The following ZNF197 variants were observed in gnomAD, a reference collection of about 807,000 sequenced individuals.
ZNF197 encodes the protein zinc finger protein 197.
Under a neutral mutation model 27.4 loss-of-function variants are expected in ZNF197, and 14 were observed. That is an observed-to-expected ratio of 0.51 (90% confidence interval 0.34 to 0.80). The LOEUF (loss-of-function observed/expected upper bound fraction) is 0.80. Among genes scored for constraint, ZNF197 ranks in the 30% least tolerant of loss-of-function variants. ZNF197 has a pLI of 0.02. For missense variants in ZNF197, 1,090 were observed against 1,222.6 expected (o/e 0.89, Z 1.62); for synonymous variants, 415 against 420.0 (o/e 0.99, Z 0.15).
chr3:44,629,098 A>G lies in ZNF197; in HGVS notation c.-57A>G. On this transcript the variant is annotated 5_prime_UTR_variant, in exon 2 of 6. Transcript: ENST00000344387. ...GATGATACTCTCCAAGCTGTAAGGA[A>G]GAAGTCAAGGATTAAGGAGACCTGG... is the stretch of plus-strand genomic sequence containing the variant. 6.5e-7 allele frequency: 1 copy of G among 1,536,940 alleles called. No individual in the cohort carries two copies. Among genetic ancestry groups the G allele is most frequent in the Non-Finnish European group, 8.7e-7 (1 of 1,149,620 alleles).
Position 44,644,695 on chromosome 3 carries a change from A to G in ZNF197, c.*475A>G. 2.0e-6 allele frequency: 2 copies of G among 986,700 alleles called. No homozygotes were observed. Among genetic ancestry groups the G allele is most frequent in the South Asian group, 4.7e-5 (1 of 21,334 alleles). The allele number at this position is 986,700 out of a possible 1,614,324, so 61.1% of individuals were successfully genotyped here. A position where few individuals can be genotyped will look rare whatever the true frequency, so the allele number is the denominator to read the frequency against. On this transcript the variant is annotated 3_prime_UTR_variant, in exon 6 of 6. Coordinates refer to ENST00000344387, the MANE Select transcript of ZNF197 (RefSeq NM_006991.5). ...TCTACAAAAACATAATCCAAATCTA[A>G]TAACATAGTTGTAAATGAGAGCAAC...
chr3:44,630,873 T>A (rs1286810413), intron 2 of ZNF197, 189 bp from the exon 3 acceptor site: 1 of 772,786 alleles, frequency 1.3e-6, no homozygotes, highest in Non-Finnish European at 2.2e-6. Context: ...ACCAGTGCCA[T>A]GAGTGGGGCT....
Position 44,629,292 on chromosome 3 carries a change from A to G in ZNF197, c.138A>G (p.Arg46=). The change falls in exon 2 of 6, where the codon AGA becomes AGG. Residue 46 remains arginine, a synonymous_variant. Transcript: ENST00000344387. ...GGGAGACCTCCCACCTACACTTTAG[A>G]CAATTACGTTACCATGAGACATCTG... ...SVWETSHLHF[R]QLRYHETSGP... 1 of 1,614,172 alleles carries G rather than the reference A, an allele frequency of 6.2e-7. No individual in the cohort carries two copies. Among genetic ancestry groups the G allele is most frequent in the Non-Finnish European group, 8.5e-7 (1 of 1,180,030 alleles).
rs1389281622 is a variant in ZNF197 at position 44,625,047 on chromosome 3, G to A, written c.-178G>A. ...ATTCTCGGCTCGGCCATTATTCTGT[G>A]CCTCGGCTGCCGGAAGGGCTCGTTC... On this transcript the variant is annotated 5_prime_UTR_variant, in exon 1 of 6. Transcript: ENST00000344387. 1.3e-5 allele frequency: 2 copies of A among 152,276 alleles called. No homozygotes were observed. Among genetic ancestry groups the A allele is most frequent in the Non-Finnish European group, 2.9e-5 (2 of 68,076 alleles). 9.4% of individuals were successfully genotyped at this position (152,276 alleles called of 1,614,324 possible).
chr3:44,638,176 TTC>T (rs1702407459), intron 5 of ZNF197, among the ~76,000 whole-genome samples: 2 of 152,204 alleles, frequency 1.3e-5, no homozygotes, highest in Admixed American at 1.3e-4. Flanking sequence ...AGTTTTTCAC[TTC>T]TTTTGTTAAA....
chr3:44,638,462 T>C (rs2125814789), intron 5 of ZNF197, among the ~76,000 whole-genome samples: 1 of 152,310 alleles, frequency 6.6e-6, no homozygotes, highest in East Asian at 1.9e-4. Context: ...ATATTAGTTT[T>C]AATAGCTTTT....
In ZNF197 at chr3:44,644,926, T is replaced by C. The variant is rs1465305046; in HGVS notation, c.*706T>C. 1.9e-5 allele frequency: 19 copies of C among 983,938 alleles called. No homozygotes were observed. The Admixed American group carries it at 1.2e-3, about 60-fold the overall frequency. The allele number at this position is 983,938 out of a possible 1,614,324, so 61.0% of individuals were successfully genotyped here. ...AAAGTGGACATTGTTTTTTAAAATGTGTATAGTATGCATTTTAAAGATAGT... is the reference window on the plus strand; with the variant it reads ...AAAGTGGACATTGTTTTTTAAAATGCGTATAGTATGCATTTTAAAGATAGT... On this transcript the variant is annotated 3_prime_UTR_variant, in exon 6 of 6. Transcript: ENST00000344387.
At position 44,640,410 on chromosome 3, in the gene ZNF197, C is replaced by T. The variant is rs550313249; in HGVS notation, c.770-1490C>T. On this transcript the variant is annotated intron_variant, in intron 5 of 5. Transcript: ENST00000344387. The surrounding 1 kb of genome is among the most constrained non-coding windows in gnomAD (Gnocchi z 4.0). ...TGTTTTGTTTTGAGATGGAGTCTTG[C>T]TCTGTCACCCAGGCTGGAATGCAGT... is the stretch of plus-strand genomic sequence containing the variant. Among the ~76,000 whole-genome samples the T allele has an allele frequency of 1.3e-4, 20 of 152,252 alleles. No homozygotes were observed. In the South Asian group the frequency reaches 4.1e-3, roughly 32 times the overall value.
intron 5 of ZNF197, among the ~76,000 whole-genome samples, chr3:44,634,056 T>TG (rs993248926): frequency 5.9e-5 from 9 of 152,258 alleles, no homozygotes; most frequent in African/African-American, 2.2e-4. Context: ...TTTCTACCAA[T>TG]GATACTTGAA....
chr3:44,634,192 T>C (rs1702153928), intron 5 of ZNF197, among the ~76,000 whole-genome samples: 1 of 152,220 alleles, frequency 6.6e-6, no homozygotes, highest in Non-Finnish European at 1.5e-5. Context: ...TTGTTTTTCA[T>C]GTTTTCATTA....
rs770744639 is a variant in ZNF197 at position 44,643,137 on chromosome 3, A to C, written c.2007A>C (p.Gln669His). 1 of 1,612,160 alleles carries C rather than the reference A, an allele frequency of 6.2e-7. No homozygotes were observed. Among genetic ancestry groups the C allele is most frequent in the African/African-American group, 1.3e-5 (1 of 74,574 alleles). ...TGAAGAAGAGCCTCATTTTACATCA[A>C]AGGTTCCACACTGGAGAGAATCTCT... ...FILKKSLILH[Q>H]RFHTGENLYE... The change falls in exon 6 of 6, where the codon CAA becomes CAC. Residue 669 changes from glutamine to histidine, a missense_variant. By Grantham distance (24) the Gln-to-His change is conservative. Transcript: ENST00000344387.
Position 44,646,737 on chromosome 3 carries a change from G to A in ZNF197, c.*2517G>A. On this transcript the variant is annotated 3_prime_UTR_variant, in exon 6 of 6. Coordinates refer to ENST00000344387, the MANE Select transcript of ZNF197 (RefSeq NM_006991.5). ...AAAGGTATAAAACATGGATGAGGAG[G>A]CTTGTTTTTAAAAGATAATACTAGA... is the stretch of plus-strand genomic sequence containing the variant. 2.0e-6 allele frequency: 1 copy of A among 492,072 alleles called. No individual in the cohort carries two copies. Among genetic ancestry groups the A allele is most frequent in the South Asian group, 3.2e-5 (1 of 30,892 alleles). The allele number at this position is 492,072 out of a possible 1,614,324, so 30.5% of individuals were successfully genotyped here.
rs1702890819 is a variant in ZNF197, at chr3:44,645,283, G to A, written c.*1063G>A. 1.0e-6 allele frequency: 1 copy of A among 985,294 alleles called. No individual in the cohort carries two copies. The highest frequency in any genetic ancestry group is 1.2e-6 in the Non-Finnish European group (1 of 829,928). The allele number at this position is 985,294 out of a possible 1,614,324, so 61.0% of individuals were successfully genotyped here. On this transcript the variant is annotated 3_prime_UTR_variant, in exon 6 of 6. Coordinates refer to ENST00000344387, the MANE Select transcript of ZNF197 (RefSeq NM_006991.5). ...TAAAAGAGGTTATGGTAAAAGTTTA[G>A]AACATGGGATCATGTAAGTTTGTGT...
rs563266392 is a variant in ZNF197, at chr3:44,646,105, G to A, written c.*1885G>A. The A allele has an allele frequency of 1.0e-6, 1 of 985,382 alleles. No homozygotes were observed. The highest frequency in any genetic ancestry group is 1.2e-6 in the Non-Finnish European group (1 of 829,926). 61.0% of individuals were successfully genotyped at this position (985,382 alleles called of 1,614,324 possible). A position where few individuals can be genotyped will look rare whatever the true frequency, so the allele number is the denominator to read the frequency against. Reference sequence around the variant, plus strand: ...GAAAGGTAGCCAAGAGTGAAAACTGGAAGGGGCCTAAGGCTTAAAGTCTTA... The same window carrying A: ...GAAAGGTAGCCAAGAGTGAAAACTGAAAGGGGCCTAAGGCTTAAAGTCTTA... On this transcript the variant is annotated 3_prime_UTR_variant, in exon 6 of 6. Transcript: ENST00000344387.
intron 5 of ZNF197, among the ~76,000 whole-genome samples, chr3:44,636,299 C>T (rs993569745): frequency 6.4e-4 from 89 of 138,504 alleles, no homozygotes; most frequent in Non-Finnish European, 1.2e-3. Context: ...AGCAAGACTC[C>T]GTCTCAAAAA....
Position 44,636,086 on chromosome 3 carries a change from C to G in ZNF197, c.769+3487C>G, listed in dbSNP as rs201524443. The stretch of plus-strand genomic sequence containing the variant: ...TTGGGAGGCCAAGGCAGGCGGATCA[C>G]GAGGTCAGGAGATCAAGACCATCCT... On this transcript the variant is annotated intron_variant, in intron 5 of 5. Coordinates refer to ENST00000344387, the MANE Select transcript of ZNF197 (RefSeq NM_006991.5). Among the ~76,000 whole-genome samples, 27 of 152,236 alleles carry G rather than the reference C, an allele frequency of 1.8e-4. No individual in the cohort carries two copies. In the East Asian group the frequency reaches 5.2e-3, roughly 30 times the overall value.
intron 5 of ZNF197, among the ~76,000 whole-genome samples, chr3:44,632,843 C>T (rs1168774008): frequency 6.6e-6 from 1 of 151,776 alleles, no homozygotes; most frequent in Non-Finnish European, 1.5e-5. Context: ...TGTGTCTGTG[C>T]ACAGTTTTAT....
In ZNF197 at chr3:44,643,220, A is replaced by G; in HGVS notation, c.2090A>G (p.Glu697Gly). The stretch of plus-strand genomic sequence containing the variant: ...TCAAACAGAAACCTCATTGACCATG[A>G]GAGACTCCACAATGGGGAGAAGCCA... ...FGSNRNLIDH[E>G]RLHNGEKPYE... Residue 697 changes from glutamate (E) to glycine (G), a missense_variant, in exon 6 of 6, where the codon GAG becomes GGG. By Grantham distance (98) the Glu-to-Gly change is moderately conservative (BLOSUM62 -2). Coordinates refer to ENST00000344387, the MANE Select transcript of ZNF197 (RefSeq NM_006991.5). 1 of 1,614,070 alleles carries G rather than the reference A, an allele frequency of 6.2e-7. No homozygotes were observed.
At chr3:44,641,777 G>C in intron 5 of ZNF197, 123 bp from the exon 6 acceptor site, 1 of 1,150,782 alleles carries the variant, frequency 8.7e-7, no homozygotes, top group Non-Finnish European at 1.2e-6. Flanking sequence ...TTAATGAAAA[G>C]TTTCTCCTTT....
Sources: gnomAD v4.1 joint callset for allele counts (sites outside exome capture counted in the v4.1 genomes callset) on GRCh38, gnomAD v4.1.1 for gene constraint, Gnocchi (gnomAD v3.1) non-coding constraint, MANE v1.5 for transcripts, NCBI Gene and HGNC (gene_info 2026-07-23, HGNC 2026-07-21) for gene names.